The following RARB variants were observed in gnomAD, a reference collection of about 807,000 sequenced individuals.
RARB encodes the protein retinoic acid receptor beta, also known as HBV-activated protein.
In RARB, 17 loss-of-function variants were observed where a neutral mutation model predicts 51.9. The observed-to-expected ratio is 0.33, with a 90% confidence interval of 0.22 to 0.49. RARB has a LOEUF of 0.49. Ranked by LOEUF, RARB falls within the 20% of genes least tolerant of loss-of-function variation. The pLI is 0.99. For synonymous variants in RARB, 215 were observed against 195.4 expected (o/e 1.10, Z -0.84); for missense variants, 369 against 550.8 (o/e 0.67, Z 3.30).
At chr3:25,542,693 T>C (rs1481501760) in intron 3 of RARB, among the ~76,000 whole-genome samples, 1 of 152,248 alleles carries the variant, frequency 6.6e-6, no homozygotes, top group African/African-American at 2.4e-5. Context: ...TTTGCCCTCC[T>C]CTGTTCCCTT....
chr3:25,157,350 TTGTGTG>T (rs748559000), intron 4 of RARB, among the ~76,000 whole-genome samples: 23 of 144,994 alleles, frequency 1.6e-4, no homozygotes, highest in East Asian at 6.1e-4. Context: ...GTGTGTGTGT[TTGTGTG>T]TGTGTGTGTG....
intron 5 of RARB, among the ~76,000 whole-genome samples, chr3:25,243,802 T>A (rs1304940044): frequency 6.6e-6 from 1 of 152,226 alleles, no homozygotes; most frequent in Admixed American, 6.5e-5. Context: ...CAGGTTTTGG[T>A]ATCAGGATGA....
At chr3:25,541,075 A>T (rs933155093) in intron 3 of RARB, among the ~76,000 whole-genome samples, 1 of 152,256 alleles carries the variant, frequency 6.6e-6, no homozygotes, top group African/African-American at 2.4e-5. Flanking sequence ...TTTTTTTGGA[A>T]CACAACCATG....
chr3:25,286,823 A>G (rs377511247), intron 5 of RARB, among the ~76,000 whole-genome samples: 1 of 152,244 alleles, frequency 6.6e-6, no homozygotes, highest in South Asian at 2.1e-4. Flanking sequence ...GAATAGATCC[A>G]TTATCAAGGA....
chr3:24,906,130 A>T (rs1240280859), intron 2 of RARB, among the ~76,000 whole-genome samples: 1 of 152,210 alleles, frequency 6.6e-6, no homozygotes, highest in Non-Finnish European at 1.5e-5. Context: ...GACCTAGGCT[A>T]GGCAGGGTGG....
chr3:25,268,334 AT>A (rs1703173038), intron 5 of RARB, among the ~76,000 whole-genome samples: 1 of 151,950 alleles, frequency 6.6e-6, no homozygotes, highest in Non-Finnish European at 1.5e-5. Flanking sequence ...CTAAATGCAC[AT>A]CTGTAATCTA....
chr3:24,970,691 A>G (rs7651592), intron 2 of RARB, among the ~76,000 whole-genome samples: 73,087 of 151,428 alleles, frequency 0.48, 18,032 homozygotes, highest in Admixed American at 0.6. Flanking sequence ...AGTCCTTTTA[A>G]TTGGAAAAAA....
intron 2 of RARB, among the ~76,000 whole-genome samples, chr3:25,483,757 C>T (rs1285572119): frequency 1.3e-5 from 2 of 152,142 alleles, no homozygotes; most frequent in African/African-American, 2.4e-5. Context: ...GTTCATTCTC[C>T]ATGTTAGTTA....
intron 2 of RARB, among the ~76,000 whole-genome samples, chr3:25,013,855 G>A (rs1218399026): frequency 1.3e-5 from 2 of 152,034 alleles, no homozygotes; most frequent in Non-Finnish European, 2.9e-5. Flanking sequence ...TTTATCACAA[G>A]CAACAGGAAC....
chr3:25,363,743 C>T (rs556800862), intron 5 of RARB, among the ~76,000 whole-genome samples: 8 of 152,320 alleles, frequency 5.3e-5, no homozygotes, highest in African/African-American at 1.9e-4. Flanking sequence ...GTTGACATCA[C>T]TTGTATTTCC....
intron 2 of RARB, among the ~76,000 whole-genome samples, chr3:24,946,556 A>G (rs777947334): frequency 9.2e-5 from 14 of 152,138 alleles, no homozygotes; most frequent in Non-Finnish European, 1.6e-4. Context: ...CTAGAGTTCT[A>G]AAAAATGATA....
At chr3:25,002,631 A>T (rs1311337153) in intron 2 of RARB, among the ~76,000 whole-genome samples, 1 of 152,060 alleles carries the variant, frequency 6.6e-6, no homozygotes, top group Non-Finnish European at 1.5e-5. Flanking sequence ...ACATTGGCAT[A>T]TTTTCTATCA....
intron 2 of RARB, among the ~76,000 whole-genome samples, chr3:25,007,719 A>G (rs1281078337): frequency 1.3e-5 from 2 of 152,218 alleles, no homozygotes; most frequent in East Asian, 3.9e-4. Context: ...CCCACCACAC[A>G]ATAAATATTC....
chr3:24,968,794 A>G (rs1311634827), intron 2 of RARB, among the ~76,000 whole-genome samples: 2 of 152,128 alleles, frequency 1.3e-5, no homozygotes, highest in Non-Finnish European at 2.9e-5. Context: ...AAGTCATGTG[A>G]CTAAGCCCAG....
chr3:25,171,251 G>C (rs1371026107), intron 4 of RARB, among the ~76,000 whole-genome samples: 2 of 151,650 alleles, frequency 1.3e-5, no homozygotes, highest in African/African-American at 4.8e-5. Context: ...AAGAACCCCA[G>C]ATGAGCACAA....
intron 3 of RARB, among the ~76,000 whole-genome samples, chr3:25,098,387 G>C (rs1205554099): frequency 2.0e-5 from 3 of 152,140 alleles, no homozygotes; most frequent in Non-Finnish European, 4.4e-5. Context: ...CTATCGTGCT[G>C]TATTATTCAT....
At chr3:25,270,267 C>T (rs186541328) in intron 5 of RARB, among the ~76,000 whole-genome samples, 14 of 152,196 alleles carry the variant, frequency 9.2e-5, no homozygotes, top group Non-Finnish European at 1.3e-4. Context: ...AAGCCAAATG[C>T]GGTCTGTATG....
At chr3:25,348,901 T>C (rs1484820729) in intron 5 of RARB, among the ~76,000 whole-genome samples, 1 of 152,174 alleles carries the variant, frequency 6.6e-6, no homozygotes, top group Non-Finnish European at 1.5e-5. Flanking sequence ...ATATGAAGCC[T>C]ATGCTGCTGG....
chr3:25,494,271 A>ACG lies in RARB; in HGVS notation c.307-6910_307-6909insGC, dbSNP rs1559433145. 2.9e-4 allele frequency among the ~76,000 whole-genome samples: 25 copies of ACG among 86,684 alleles called. 1 individual carries two copies. Among genetic ancestry groups the ACG allele is most frequent in the Admixed American group, 9.6e-4 (9 of 9,344 alleles). 56.9% of individuals were successfully genotyped at this position (86,684 alleles called of 152,430 possible). The stretch of plus-strand genomic sequence containing the variant: ...ATCTTACGCACACACACACACACAC[A>ACG]CACACACATGCCATCATTTACATCT... On this transcript the variant is annotated intron_variant, in intron 2 of 7. Coordinates refer to ENST00000330688, the MANE Select transcript of RARB (RefSeq NM_000965.5).
Sources: allele counts gnomAD v4.1 joint callset (sites outside exome capture counted in the v4.1 genomes callset), GRCh38; gene constraint gnomAD v4.1.1; transcripts MANE v1.5; gene names NCBI Gene and HGNC (gene_info 2026-07-23, HGNC 2026-07-21).